CACNA1D: variants seen among roughly 807,000 people sequenced by gnomAD.
CACNA1D encodes the protein calcium voltage-gated channel subunit alpha1 D.
In CACNA1D, 55 loss-of-function variants were observed where a neutral mutation model predicts 257.1. The ratio of observed to expected loss-of-function variants is 0.21; its 90% CI spans 0.17 to 0.27. The LOEUF (loss-of-function observed/expected upper bound fraction) is 0.27. Ranked by LOEUF, CACNA1D falls within the 10% of genes least tolerant of loss-of-function variation. The pLI is 1.00. For synonymous variants in CACNA1D, 980 were observed against 1,014.9 expected (o/e 0.97, Z 0.65); for missense variants, 1,876 against 2,784.0 (o/e 0.67, Z 7.34).
chr3:53,639,860 T>TA (rs1559453309), intron 3 of CACNA1D, among the ~76,000 whole-genome samples: 4 of 27,636 alleles, frequency 1.4e-4, no homozygotes, highest in African/African-American at 1.4e-3. Flanking sequence ...CATTTCTTAC[T>TA]TTTTTTTTTT....
intron 40 of CACNA1D, among the ~76,000 whole-genome samples, chr3:53,787,406 T>C (rs2095459949): frequency 7.0e-6 from 1 of 143,608 alleles, no homozygotes; most frequent in Non-Finnish European, 1.5e-5. Flanking sequence ...GTAACATCCA[T>C]CACCTCCTAG....
At chr3:53,626,176 G>A (rs2093756469) in intron 3 of CACNA1D, among the ~76,000 whole-genome samples, 1 of 152,212 alleles carries the variant, frequency 6.6e-6, no homozygotes, top group Non-Finnish European at 1.5e-5. Flanking sequence ...TCCCACTGGT[G>A]TAGTGTGGCA....
At chr3:53,682,395 A>AAC (rs2094440942) in intron 8 of CACNA1D, among the ~76,000 whole-genome samples, 1 of 137,612 alleles carries the variant, frequency 7.3e-6, no homozygotes, top group Non-Finnish European at 1.6e-5. Context: ...AAAAAAAAAA[A>AAC]ACAGAAGTCT....
intron 15 of CACNA1D, among the ~76,000 whole-genome samples, chr3:53,729,761 G>A (rs1032669755): frequency 6.6e-6 from 1 of 152,180 alleles, no homozygotes; most frequent in Non-Finnish European, 1.5e-5. Context: ...GGGCTGGAGA[G>A]GGCAAAAATC....
chr3:53,501,857 G>GT (rs370019089), intron 3 of CACNA1D, 137 bp downstream of exon 3: 3 of 656,878 alleles, frequency 4.6e-6, no homozygotes, highest in Non-Finnish European at 8.2e-6. Flanking sequence ...TGCAACAGTG[G>GT]TTTTTTGTTT....
chr3:53,550,882 G>A lies in CACNA1D; in HGVS notation c.483+49162G>A, dbSNP rs187541972. Among the ~76,000 whole-genome samples, 261 of 152,224 alleles carry A rather than the reference G, an allele frequency of 1.7e-3. 1 individual carries two copies. The highest frequency in any genetic ancestry group is 6.2e-3 in the African/African-American group (256 of 41,524). On this transcript the variant is annotated intron_variant, in intron 3 of 47. Coordinates refer to ENST00000350061, the MANE Select transcript of CACNA1D (RefSeq NM_001128840.3). ...CAATTATATCTTTAACTTGGGGATGGAAATATGTTGTGAAATTTGTTTAGT... is the reference window on the plus strand; with the variant it reads ...CAATTATATCTTTAACTTGGGGATGAAAATATGTTGTGAAATTTGTTTAGT...
In CACNA1D at chr3:53,810,190, G is replaced by T. The variant is rs777336747; in HGVS notation, c.6084G>T (p.Glu2028Asp). 2 of 1,613,870 alleles carry T rather than the reference G, an allele frequency of 1.2e-6. No individual in the cohort carries two copies. The highest frequency in any genetic ancestry group is 2.7e-5 in the African/African-American group (2 of 74,922). Reference sequence around the variant, plus strand: ...ACCGCAGCTCCTGGTACACAGACGAGCCCGACATCTCCTACCGGACTTTCA... The same window carrying T: ...ACCGCAGCTCCTGGTACACAGACGATCCCGACATCTCCTACCGGACTTTCA... ...SLHRSSWYTDEPDISYRTFTP... is the reference protein window; with the variant it reads ...SLHRSSWYTDDPDISYRTFTP... The change falls in exon 47 of 48, where the codon GAG (glutamate) becomes GAT (aspartate). Residue 2028 changes from glutamate (E) to aspartate (D), a missense_variant. By Grantham distance (45) the Glu-to-Asp change is conservative. Coordinates refer to ENST00000350061, the MANE Select transcript of CACNA1D (RefSeq NM_001128840.3).
At chr3:53,501,220 A>T (rs1049146714) in intron 2 of CACNA1D, among the ~76,000 whole-genome samples, 4 of 152,262 alleles carry the variant, frequency 2.6e-5, no homozygotes, top group Non-Finnish European at 2.9e-5. Context: ...CATTTATCCC[A>T]TGATGATTTC....
chr3:53,706,896 T>A (rs980758922), intron 9 of CACNA1D, among the ~76,000 whole-genome samples: 1 of 152,172 alleles, frequency 6.6e-6, no homozygotes. Context: ...CTAAACATAA[T>A]ATTTTTGAAG....
At chr3:53,603,392 T>G (rs1259936326) in intron 3 of CACNA1D, among the ~76,000 whole-genome samples, 1 of 152,210 alleles carries the variant, frequency 6.6e-6, no homozygotes, top group Admixed American at 6.5e-5. Context: ...GTAACCTCTT[T>G]GTGCCTCGGA....
chr3:53,652,431 A>G (rs2094107302), intron 4 of CACNA1D, among the ~76,000 whole-genome samples: 1 of 152,178 alleles, frequency 6.6e-6, no homozygotes, highest in South Asian at 2.1e-4. Context: ...AGAGCTTCAT[A>G]AATATGCCTT....
intron 4 of CACNA1D, among the ~76,000 whole-genome samples, chr3:53,652,253 C>A (rs1196510573): frequency 6.6e-6 from 1 of 152,100 alleles, no homozygotes. Context: ...CCATTTCTTG[C>A]GTCACCGTGC....
At chr3:53,597,320 A>T (rs1450704317) in intron 3 of CACNA1D, among the ~76,000 whole-genome samples, 1 of 152,164 alleles carries the variant, frequency 6.6e-6, no homozygotes, top group African/African-American at 2.4e-5. Context: ...GATAGCTGGG[A>T]TGGAAGAAAA....
At chr3:53,785,222 C>A (rs1263759674) in intron 39 of CACNA1D, among the ~76,000 whole-genome samples, 1 of 152,172 alleles carries the variant, frequency 6.6e-6, no homozygotes, top group African/African-American at 2.4e-5. Flanking sequence ...TGCCTATGGA[C>A]CTTGCATCAT....
chr3:53,605,166 G>A (rs375977548), intron 3 of CACNA1D, among the ~76,000 whole-genome samples: 1 of 152,228 alleles, frequency 6.6e-6, no homozygotes, highest in Non-Finnish European at 1.5e-5. Context: ...CTGCATAGCA[G>A]TTGTGAAGGT....
rs565203783 is a variant in CACNA1D, at chr3:53,526,619, G to A, written c.483+24899G>A. 1.2e-3 allele frequency among the ~76,000 whole-genome samples: 186 copies of A among 152,270 alleles called. 1 individual carries two copies. Among genetic ancestry groups the A allele is most frequent in the African/African-American group, 4.3e-3 (179 of 41,552 alleles). ...ATAAGGACAGCTGGTGCAATGGCAC[G>A]CCCTCCAATTGGCTACGTTACACAG... On this transcript the variant is annotated intron_variant, in intron 3 of 47. Transcript: ENST00000350061.
chr3:53,607,135 A>G (rs2093520869), intron 3 of CACNA1D, among the ~76,000 whole-genome samples: 1 of 152,224 alleles, frequency 6.6e-6, no homozygotes, highest in Non-Finnish European at 1.5e-5. Context: ...CATTTTATAT[A>G]GGTGTTTGTG....
intron 28 of CACNA1D, among the ~76,000 whole-genome samples, chr3:53,753,265 T>G (rs1017876379): frequency 6.6e-6 from 1 of 152,240 alleles, no homozygotes; most frequent in Admixed American, 6.5e-5. Context: ...GGTATCTGCA[T>G]TGTGCTCTGG....
rs898765369 is a variant in CACNA1D at position 53,790,840 on chromosome 3, AGTTTT to A, written c.4923+3897_4923+3901del. The A allele has an allele frequency of 6.3e-6, 4 of 632,764 alleles. No individual in the cohort carries two copies. The African/African-American group carries it at 7.4e-5, about 12-fold the overall frequency. 39.2% of individuals were successfully genotyped at this position (632,764 alleles called of 1,614,324 possible). A position where few individuals can be genotyped will look rare whatever the true frequency, so the allele number is the denominator to read the frequency against. ...GTCACCTTAGTCTAAAAAGTAGTGGAGTTTTGTTTTGTTATTTTTTTAAAGCATGA... is the reference window on the plus strand; with the variant it reads ...GTCACCTTAGTCTAAAAAGTAGTGGAGTTTTGTTATTTTTTTAAAGCATGA... On this transcript the variant is annotated intron_variant, in intron 40 of 47. Transcript: ENST00000350061.
Sources: allele counts gnomAD v4.1 joint callset (sites outside exome capture counted in the v4.1 genomes callset), GRCh38; gene constraint gnomAD v4.1.1; transcripts MANE v1.5; gene names NCBI Gene and HGNC (gene_info 2026-07-23, HGNC 2026-07-21).